ISCA1: variants seen among roughly 807,000 people sequenced by gnomAD.
The protein encoded by ISCA1 is iron-sulfur cluster assembly 1 homolog, mitochondrial.
Under a neutral mutation model 14.7 loss-of-function variants are expected in ISCA1, and 9 were observed. The observed-to-expected ratio is 0.61, with a 90% CI of 0.37 to 1.07. ISCA1 has a LOEUF of 1.07. Among genes scored for constraint, ISCA1 ranks in the 50% least tolerant of loss-of-function variants. The pLI, the probability that ISCA1 is intolerant of heterozygous loss-of-function variation, is 0.01. For missense variants in ISCA1, 102 were observed against 150.1 expected, an observed-to-expected ratio of 0.68 and a Z score of 1.67; for synonymous variants, 38 against 54.3, an observed-to-expected ratio of 0.70 and a Z score of 1.32.
chr9:86,274,760 T>C (rs1825420169), intron 1 of ISCA1, among the ~76,000 whole-genome samples: 1 of 152,096 alleles, frequency 6.6e-6, no homozygotes, highest in Non-Finnish European at 1.5e-5. Context: ...CAGCATAAAA[T>C]AACCCAGGGT....
rs1825288652 is a variant in ISCA1, at chr9:86,266,027, G to C, written c.*16C>G. 1.2e-6 allele frequency: 2 copies of C among 1,611,788 alleles called. No individual in the cohort carries two copies. Among genetic ancestry groups the C allele is most frequent in the Non-Finnish European group, 1.7e-6 (2 of 1,179,830 alleles). On this transcript the variant is annotated 3_prime_UTR_variant, in exon 4 of 4. Coordinates refer to ENST00000375991, the MANE Select transcript of ISCA1 (RefSeq NM_030940.4). ...CGAGCTTTCCTGGAACCTACGGCCA[G>C]AAGAGTCCTGAGATTTCAAATATTA...
chr9:86,276,352 C>T (rs913561594), intron 1 of ISCA1, among the ~76,000 whole-genome samples: 6 of 152,110 alleles, frequency 3.9e-5, no homozygotes, highest in Admixed American at 1.3e-4. Flanking sequence ...TGCTGTGAGG[C>T]CCTGTTCCTA....
rs561508523 is a variant in ISCA1, at chr9:86,269,499, A to G, written c.241+2508T>C. On this transcript the variant is annotated intron_variant, in intron 3 of 3. Transcript: ENST00000375991. Reference sequence around the variant, plus strand: ...ATGGGTAGGAAGAATCAATATCGTGAAAATGGCCATACTGCCCAAGGTAAT... The same window carrying G: ...ATGGGTAGGAAGAATCAATATCGTGGAAATGGCCATACTGCCCAAGGTAAT... Among the ~76,000 whole-genome samples, 8 of 152,246 alleles carry G rather than the reference A, an allele frequency of 5.3e-5. No individual in the cohort carries two copies. In the South Asian group the frequency reaches 1.7e-3, roughly 32 times the overall value.
In ISCA1 at chr9:86,265,829, G is replaced by A; in HGVS notation, c.*214C>T. The A allele has an allele frequency of 1.3e-6, 1 of 774,578 alleles. No homozygotes were observed. The highest frequency in any genetic ancestry group is 2.2e-6 in the Non-Finnish European group (1 of 462,746). The allele number at this position is 774,578 out of a possible 1,614,324, so 48.0% of individuals were successfully genotyped here. ...ACTGGTTCTAAAACAAAGGATACAAGAGACCTAAATGATCCAAAAAGAGTG... is the reference window on the plus strand; with the variant it reads ...ACTGGTTCTAAAACAAAGGATACAAAAGACCTAAATGATCCAAAAAGAGTG... On this transcript the variant is annotated 3_prime_UTR_variant, in exon 4 of 4. Coordinates refer to ENST00000375991, the MANE Select transcript of ISCA1 (RefSeq NM_030940.4).
At chr9:86,268,390 A>G (rs1206570224) in intron 3 of ISCA1, among the ~76,000 whole-genome samples, 1 of 151,650 alleles carries the variant, frequency 6.6e-6, no homozygotes, top group Non-Finnish European at 1.5e-5. Context: ...GAACGTAAAA[A>G]ATTTTTGTTA....
intron 3 of ISCA1, among the ~76,000 whole-genome samples, chr9:86,269,148 C>T (rs1263846394): frequency 1.3e-5 from 2 of 152,178 alleles, no homozygotes; most frequent in Non-Finnish European, 2.9e-5. Context: ...CCTCAGTCTC[C>T]TGAGTAGCTG....
rs558106929 is a variant in ISCA1, at chr9:86,279,723, A to G, written c.81+2655T>C. Among the ~76,000 whole-genome samples, 11 of 152,318 alleles carry G rather than the reference A, an allele frequency of 7.2e-5. No individual in the cohort carries two copies. The East Asian group carries it at 2.1e-3, about 29-fold the overall frequency. On this transcript the variant is annotated intron_variant, in intron 1 of 3. Transcript: ENST00000375991. ...TACCTCTTCCAATCAGTTTTACTGA[A>G]TTACGTATACTTTTGTTTGCTCTCT...
At chr9:86,272,695 G>A (rs1402263436) in intron 2 of ISCA1, among the ~76,000 whole-genome samples, 1 of 152,112 alleles carries the variant, frequency 6.6e-6, no homozygotes, top group Non-Finnish European at 1.5e-5. Flanking sequence ...TGGGAAATTG[G>A]TTCCAGGACT....
intron 3 of ISCA1, chr9:86,267,731 G>T: frequency 6.9e-6 from 2 of 287,846 alleles, no homozygotes; most frequent in Non-Finnish European, 1.0e-5. Context: ...TACTTGGGAG[G>T]CTGAGGTGGG....
chr9:86,270,508 G>A (rs1273668251), intron 3 of ISCA1, among the ~76,000 whole-genome samples: 1 of 150,270 alleles, frequency 6.7e-6, no homozygotes, highest in Non-Finnish European at 1.5e-5. Context: ...CTGTAAACTA[G>A]TTCAACCATT....
At position 86,265,343 on chromosome 9, in the gene ISCA1, T is replaced by C. The variant is rs1456092971; in HGVS notation, c.*700A>G. 5.3e-5 allele frequency: 8 copies of C among 152,102 alleles called. No individual in the cohort carries two copies. Among genetic ancestry groups the C allele is most frequent in the African/African-American group, 1.4e-4 (6 of 41,390 alleles). The allele number at this position is 152,102 out of a possible 1,614,324, so 9.4% of individuals were successfully genotyped here. ...GGGTTTTGCTTCCTCACATAGGGAATTGATGGAGGTGGGCTAGATGGCTTT... is the reference window on the plus strand; with the variant it reads ...GGGTTTTGCTTCCTCACATAGGGAACTGATGGAGGTGGGCTAGATGGCTTT... On this transcript the variant is annotated 3_prime_UTR_variant, in exon 4 of 4. Transcript: ENST00000375991.
chr9:86,280,787 G>A (rs1217888004), intron 1 of ISCA1, among the ~76,000 whole-genome samples: 1 of 151,972 alleles, frequency 6.6e-6, no homozygotes, highest in Non-Finnish European at 1.5e-5. Flanking sequence ...CTAGGTGCAT[G>A]CATGACGGTG....
chr9:86,273,596 G>A (rs1031913271), intron 2 of ISCA1, among the ~76,000 whole-genome samples: 1 of 152,120 alleles, frequency 6.6e-6, no homozygotes, highest in Non-Finnish European at 1.5e-5. Flanking sequence ...AAAGCAAAGT[G>A]TAACAAAAAA....
intron 3 of ISCA1, among the ~76,000 whole-genome samples, chr9:86,269,780 T>G (rs541450681): frequency 6.5e-4 from 98 of 151,220 alleles, no homozygotes; most frequent in South Asian, 5.0e-3. Context: ...CCCTCAGAAA[T>G]AACGCCGCAT....
intron 1 of ISCA1, among the ~76,000 whole-genome samples, chr9:86,278,307 CTT>C (rs1017172845): frequency 6.6e-6 from 1 of 152,072 alleles, no homozygotes; most frequent in African/African-American, 2.4e-5. Flanking sequence ...AAAGCATTCT[CTT>C]TTGTCTTTTC....
intron 3 of ISCA1, among the ~76,000 whole-genome samples, chr9:86,271,338 G>T (rs945500412): frequency 1.3e-5 from 2 of 152,124 alleles, no homozygotes; most frequent in South Asian, 4.2e-4. Flanking sequence ...GACCGTCTAG[G>T]TTTGTCTAAG....
intron 3 of ISCA1, among the ~76,000 whole-genome samples, chr9:86,270,258 C>A (rs965615524): frequency 1.4e-5 from 2 of 147,352 alleles, no homozygotes; most frequent in Non-Finnish European, 3.0e-5. Context: ...AAAAAACAAA[C>A]AACCCCATCA....
chr9:86,279,966 A>G (rs928310503), intron 1 of ISCA1, among the ~76,000 whole-genome samples: 1 of 152,218 alleles, frequency 6.6e-6, no homozygotes, highest in African/African-American at 2.4e-5. Flanking sequence ...AGAAGCTTCT[A>G]AAGTCAGCCA....
intron 1 of ISCA1, among the ~76,000 whole-genome samples, chr9:86,278,585 G>C (rs1276601258): frequency 6.6e-6 from 1 of 152,094 alleles, no homozygotes; most frequent in Non-Finnish European, 1.5e-5. Context: ...TGAAAGGATT[G>C]CTTGAGCCCA....
Sources: allele counts gnomAD v4.1 joint callset (sites outside exome capture counted in the v4.1 genomes callset), GRCh38; gene constraint gnomAD v4.1.1; transcripts MANE v1.5; gene names NCBI Gene and HGNC (gene_info 2026-07-23, HGNC 2026-07-21).